The following NIPA2 variants were observed in gnomAD, a reference collection of about 807,000 sequenced individuals.
NIPA2 encodes the protein NIPA magnesium transporter 2, also known as magnesium transporter NIPA2.
NIPA2 carries 11 observed loss-of-function variants against 29.7 expected under a neutral mutation model. The observed-to-expected ratio is 0.37, with a 90% CI of 0.23 to 0.61. The LOEUF is 0.61. NIPA2 is among the 20% of genes least tolerant of loss of function. NIPA2 has a pLI of 0.66. For synonymous variants in NIPA2, 183 were observed against 161.9 expected, an observed-to-expected ratio of 1.13 and a Z score of -0.99; for missense variants, 426 against 437.9, an observed-to-expected ratio of 0.97 and a Z score of 0.24.
chr15:22,859,069 G>A (rs1292988698), intron 6 of NIPA2, among the ~76,000 whole-genome samples: 1 of 152,058 alleles, frequency 6.6e-6, no homozygotes, highest in Non-Finnish European at 1.5e-5. Context: ...AGCTACTCAG[G>A]AGGCTGAGAC....
Position 22,852,481 on chromosome 15 carries a change from AGC to A in NIPA2, c.139+612_139+613del, listed in dbSNP as rs1491522041. Among the ~76,000 whole-genome samples the A allele has an allele frequency of 2.8e-4, 43 of 151,740 alleles. 3 individuals carry two copies. In the South Asian group the frequency reaches 7.5e-3, roughly 27 times the overall value. ...GAGACTCCGTCTAAAAAAAAAAAAAAGCCATGGTTAAAATCAGAATTTATTAA... is the reference window on the plus strand; with the variant it reads ...GAGACTCCGTCTAAAAAAAAAAAAAACATGGTTAAAATCAGAATTTATTAA... On this transcript the variant is annotated intron_variant, in intron 4 of 7. Transcript: ENST00000337451.
intron 7 of NIPA2, among the ~76,000 whole-genome samples, chr15:22,864,178 CAG>C (rs946422899): frequency 6.6e-6 from 1 of 151,956 alleles, no homozygotes; most frequent in African/African-American, 2.4e-5. Context: ...TTTTTTGAGA[CAG>C]AGTCTTGCTC....
chr15:22,846,901 TG>T (rs888070889), intron 3 of NIPA2, among the ~76,000 whole-genome samples: 4 of 135,836 alleles, frequency 2.9e-5, no homozygotes, highest in East Asian at 2.2e-4. Context: ...TTTTTGTTGT[TG>T]TTTTTTTTTT....
At chr15:22,860,396 A>G (rs969894181) in intron 6 of NIPA2, among the ~76,000 whole-genome samples, 4 of 152,220 alleles carry the variant, frequency 2.6e-5, no homozygotes, top group Non-Finnish European at 4.4e-5. Flanking sequence ...GACTTCTTGC[A>G]GTGGAAAGAT....
chr15:22,853,400 G>A (rs1236012322), intron 5 of NIPA2, 132 bp downstream of exon 5: 3 of 483,384 alleles, frequency 6.2e-6, no homozygotes, highest in Admixed American at 7.2e-5. Flanking sequence ...TTGAGACAGA[G>A]TCTCACTCTG....
intron 7 of NIPA2, among the ~76,000 whole-genome samples, chr15:22,865,485 CAA>C (rs199693537): frequency 2.0e-4 from 28 of 140,716 alleles, no homozygotes; most frequent in Non-Finnish European, 3.6e-4. Context: ...GACTCTGTCT[CAA>C]AAAAAAAAAA....
rs778995928 is a variant in NIPA2, at chr15:22,867,313, G to C, written c.*466G>C. 2.5e-6 allele frequency: 1 copy of C among 397,938 alleles called. No homozygotes were observed. The highest frequency in any genetic ancestry group is 4.4e-6 in the Non-Finnish European group (1 of 225,810). The allele number at this position is 397,938 out of a possible 1,614,324, so 24.7% of individuals were successfully genotyped here. ...CAAAAGTGGCTCCTGTTTGTTTGATGATGATTGGTTTTATTTTTGAAATAT... is the reference window on the plus strand; with the variant it reads ...CAAAAGTGGCTCCTGTTTGTTTGATCATGATTGGTTTTATTTTTGAAATAT... On this transcript the variant is annotated 3_prime_UTR_variant, in exon 8 of 8. Coordinates refer to ENST00000337451, the MANE Select transcript of NIPA2 (RefSeq NM_030922.7).
chr15:22,855,216 G>A (rs2058089091), intron 5 of NIPA2, among the ~76,000 whole-genome samples: 3 of 151,318 alleles, frequency 2.0e-5, no homozygotes, highest in Admixed American at 1.3e-4. Flanking sequence ...AGTGAGACCA[G>A]CCTGACCAAC....
At position 22,866,488 on chromosome 15, in the gene NIPA2, A is replaced by G. The variant is rs1437301960; in HGVS notation, c.724A>G (p.Ile242Val). 6.2e-7 allele frequency: 1 copy of G among 1,613,992 alleles called. No homozygotes were observed. Among genetic ancestry groups the G allele is most frequent in the Admixed American group, 1.7e-5 (1 of 60,016 alleles). Reference sequence around the variant, plus strand: ...TAATTACCTAAATAGGGCCCTGGATATATTCAACACTTCCATTGTGACTCC... The same window carrying G: ...TAATTACCTAAATAGGGCCCTGGATGTATTCAACACTTCCATTGTGACTCC... ...QINYLNRALDIFNTSIVTPIY... is the reference protein window; with the variant it reads ...QINYLNRALDVFNTSIVTPIY... The change falls in exon 8 of 8, where the codon ATA (isoleucine) becomes GTA (valine). Residue 242 changes from isoleucine (I) to valine (V), a missense_variant. Physicochemically the swap from Ile to Val is conservative, Grantham distance 29 (BLOSUM62 3). Transcript: ENST00000337451.
chr15:22,839,047 T>C (rs981606053), intron 1 of NIPA2, 126 bp downstream of exon 1: 2 of 152,244 alleles, frequency 1.3e-5, no homozygotes, highest in African/African-American at 2.4e-5. Flanking sequence ...GAAGCGGTTT[T>C]CCTGTAATCC....
intron 5 of NIPA2, among the ~76,000 whole-genome samples, chr15:22,855,247 GT>G (rs746544204): frequency 1.3e-5 from 1 of 79,078 alleles, no homozygotes; most frequent in Non-Finnish European, 2.6e-5. Flanking sequence ...CTCGTCTCTA[GT>G]AAAAAAAAAA....
At position 22,867,894 on chromosome 15, in the gene NIPA2, A is replaced by AAGGT. The variant is rs1333902227; in HGVS notation, c.*1050_*1053dup. 1.3e-5 allele frequency: 2 copies of AAGGT among 152,240 alleles called. No individual in the cohort carries two copies. The highest frequency in any genetic ancestry group is 1.9e-4 in the East Asian group (1 of 5,200). The allele number at this position is 152,240 out of a possible 1,614,324, so 9.4% of individuals were successfully genotyped here. On this transcript the variant is annotated 3_prime_UTR_variant, in exon 8 of 8. Coordinates refer to ENST00000337451, the MANE Select transcript of NIPA2 (RefSeq NM_030922.7). ...TGGAAAACTGCAAACATATGCAGAA[A>AAGGT]AGGTAGAATAATAAAAAAGGTCTAA...
chr15:22,842,201 G>A (rs1229451669), intron 2 of NIPA2, among the ~76,000 whole-genome samples: 5 of 152,140 alleles, frequency 3.3e-5, no homozygotes, highest in Admixed American at 6.5e-5. Flanking sequence ...TTGGTTGGTT[G>A]AGTAAATGAT....
chr15:22,862,152 A>G (rs2058672768), intron 7 of NIPA2, among the ~76,000 whole-genome samples: 1 of 142,510 alleles, frequency 7.0e-6, no homozygotes, highest in African/African-American at 2.6e-5. Flanking sequence ...GGTTCAAGTT[A>G]TTCTCCTGCC....
intron 2 of NIPA2, among the ~76,000 whole-genome samples, chr15:22,844,410 C>T (rs116139878): frequency 0.016 from 2,451 of 151,958 alleles, 34 homozygotes; most frequent in Non-Finnish European, 0.019. Flanking sequence ...AAAAATTAGC[C>T]GGGTGTGGCA....
intron 2 of NIPA2, among the ~76,000 whole-genome samples, chr15:22,841,158 A>G (rs1896987600): frequency 6.6e-6 from 1 of 152,180 alleles, no homozygotes; most frequent in African/African-American, 2.4e-5. Flanking sequence ...TGCTTTTGTC[A>G]TAAAAAAGTA....
chr15:22,865,434 C>A (rs972533068), intron 7 of NIPA2, among the ~76,000 whole-genome samples: 1 of 151,648 alleles, frequency 6.6e-6, no homozygotes, highest in East Asian at 2.0e-4. Flanking sequence ...TGCAGTGAGC[C>A]GAGATCGCAC....
chr15:22,866,422 A>T lies in NIPA2; in HGVS notation c.658A>T (p.Ile220Phe). 6.2e-7 allele frequency: 1 copy of T among 1,614,098 alleles called. No individual in the cohort carries two copies. The highest frequency in any genetic ancestry group is 1.1e-5 in the South Asian group (1 of 91,072). Residue 220 changes from isoleucine to phenylalanine, a missense_variant, in exon 8 of 8, where the codon ATT (isoleucine) becomes TTT (phenylalanine). This residue lies in a region of NIPA2 where 357 missense variants were observed against 339.8 expected (regional missense o/e 1.05). Coordinates refer to ENST00000337451, the MANE Select transcript of NIPA2 (RefSeq NM_030922.7). ...TGTGCTGCGGCATCCCCTGGCTTGG[A>T]TTCTGCTGCTGAGCCTCATCGTCTG... ...KPVLRHPLAW[I>F]LLLSLIVCVS...
intron 2 of NIPA2, among the ~76,000 whole-genome samples, chr15:22,840,851 A>G (rs1451362975): frequency 2.0e-5 from 3 of 152,194 alleles, no homozygotes; most frequent in Admixed American, 6.5e-5. Flanking sequence ...TATTTTCAGA[A>G]TGTTTTTAAT....
Sources: allele counts gnomAD v4.1 joint callset (sites outside exome capture counted in the v4.1 genomes callset), GRCh38; gene constraint gnomAD v4.1.1; regional missense constraint gnomAD v4.1.1; transcripts MANE v1.5; gene names NCBI Gene and HGNC (gene_info 2026-07-23, HGNC 2026-07-21).